Variants in FZD3 observed in about 807,000 individuals in gnomAD.
FZD3 encodes the protein frizzled class receptor 3, also known as frizzled-3.
A neutral mutation model predicts 60.7 loss-of-function variants in FZD3; 30 were observed. That is an observed-to-expected ratio of 0.49 (90% CI 0.37 to 0.67). FZD3 has a LOEUF of 0.67. FZD3 is among the 30% of genes least tolerant of loss of function. The pLI is 0.00. For missense variants in FZD3, 605 were observed against 838.7 expected (o/e 0.72, Z 3.44); for synonymous variants, 246 against 275.2 (o/e 0.89, Z 1.05).
chr8:28,551,782 C>G (rs770230728), intron 6 of FZD3, 31 bp downstream of exon 6: 1 of 1,555,024 alleles, frequency 6.4e-7, no homozygotes, highest in East Asian at 2.3e-5. Flanking sequence ...ACAGTGTTCA[C>G]AAACCTCACA....
chr8:28,541,798 G>A (rs962920867), intron 5 of FZD3, among the ~76,000 whole-genome samples: 1 of 152,096 alleles, frequency 6.6e-6, no homozygotes, highest in South Asian at 2.1e-4. Context: ...TCAGTAAATG[G>A]CATCATTATC....
At chr8:28,524,280 C>T (rs149627909) in intron 4 of FZD3, among the ~76,000 whole-genome samples, 1,607 of 152,166 alleles carry the variant, frequency 0.011, 22 homozygotes, top group Non-Finnish European at 0.011. Flanking sequence ...CATCTGATAG[C>T]AGTTTCATCT....
chr8:28,525,993 A>G (rs1234130110), intron 4 of FZD3, among the ~76,000 whole-genome samples: 1 of 152,190 alleles, frequency 6.6e-6, no homozygotes, highest in Non-Finnish European at 1.5e-5. Flanking sequence ...ATAACCATTT[A>G]TGGAGATGGA....
At chr8:28,559,690 T>C (rs144408562) in intron 7 of FZD3, among the ~76,000 whole-genome samples, 1 of 152,192 alleles carries the variant, frequency 6.6e-6, no homozygotes, top group African/African-American at 2.4e-5. Context: ...ATTCCAAGAC[T>C]GTGGTGAACC....
At chr8:28,512,876 C>G (rs1351833741) in intron 3 of FZD3, among the ~76,000 whole-genome samples, 2 of 152,060 alleles carry the variant, frequency 1.3e-5, no homozygotes, top group Non-Finnish European at 2.9e-5. Flanking sequence ...ACCCATATAA[C>G]AATAATTATT....
intron 6 of FZD3, 85 bp from the exon 7 acceptor site, chr8:28,555,653 A>C: frequency 1.3e-6 from 1 of 781,194 alleles, no homozygotes; most frequent in South Asian, 1.6e-5. Flanking sequence ...AATTTCAAGA[A>C]TAATATCAGT....
chr8:28,527,889 G>T lies in FZD3; in HGVS notation c.1129G>T (p.Ala377Ser), dbSNP rs759992378. Residue 377 changes from alanine to serine, a missense_variant, in exon 5 of 8, where the codon GCT becomes TCT. By Grantham distance (99) the Ala-to-Ser change is moderately conservative. Transcript: ENST00000240093. This position sits in a 1 kb window ranked among gnomAD's most constrained non-coding sequence, Gnocchi z 5.0. ...TGATGCATTGAGATATTTTGTTCTT[G>T]CTCCCCTCTGCCTGTATGTGGTAGT... ...DVDALRYFVLAPLCLYVVVGV... is the reference protein window; with the variant it reads ...DVDALRYFVLSPLCLYVVVGV... The T allele has an allele frequency of 6.5e-5, 105 of 1,613,954 alleles. No homozygotes were observed. In the Admixed American group the frequency reaches 1.7e-3, roughly 26 times the overall value.
intron 7 of FZD3, among the ~76,000 whole-genome samples, chr8:28,559,406 C>A (rs2130472553): frequency 6.6e-6 from 1 of 152,260 alleles, no homozygotes; most frequent in Non-Finnish European, 1.5e-5. Context: ...ATTGTCTTTC[C>A]TCAGCTAAGT....
rs565542998 is a variant in FZD3 at position 28,506,572 on chromosome 8, G to T, written c.189+3370G>T. The stretch of plus-strand genomic sequence containing the variant: ...CTTGCCCCTCCCCACCCCATATATA[G>T]AGGAAAGTAGGCCTCTCTATAGGAT... On this transcript the variant is annotated intron_variant, in intron 3 of 7. Transcript: ENST00000240093. 3.9e-5 allele frequency among the ~76,000 whole-genome samples: 6 copies of T among 152,136 alleles called. No homozygotes were observed. In the South Asian group the frequency reaches 6.2e-4, roughly 16 times the overall value.
intron 6 of FZD3, among the ~76,000 whole-genome samples, chr8:28,555,503 C>G (rs556702383): frequency 3.0e-4 from 46 of 152,108 alleles, no homozygotes; most frequent in Non-Finnish European, 4.9e-4. Flanking sequence ...AACTAAAATC[C>G]TGATTTCCTT....
Position 28,562,801 on chromosome 8 carries a change from C to A in FZD3, c.1791C>A (p.Tyr597Ter). The stretch of plus-strand genomic sequence containing the variant: ...TCAAAATAAACTCTCATGACAGGTA[C>A]ACGCCCTGCAGTTACAGAGGAATGG... ...GSLHRSRDGR[Y>*]TPCSYRGMEE... The change falls in exon 8 of 8, where the codon TAC becomes TAA. Residue 597 changes from tyrosine to a stop codon, truncating the protein, a stop_gained. Transcript: ENST00000240093. LOFTEE classifies it high-confidence loss of function. 1 of 1,591,336 alleles carries A rather than the reference C, an allele frequency of 6.3e-7. No individual in the cohort carries two copies. Among genetic ancestry groups the A allele is most frequent in the South Asian group, 1.1e-5 (1 of 89,550 alleles).
chr8:28,503,737 A>G (rs1017956545), intron 3 of FZD3, among the ~76,000 whole-genome samples: 11 of 152,258 alleles, frequency 7.2e-5, no homozygotes, highest in African/African-American at 2.4e-4. Flanking sequence ...ACAGGGATAT[A>G]TATACCAGAT....
intron 5 of FZD3, among the ~76,000 whole-genome samples, chr8:28,539,888 G>T (rs1355630360): frequency 1.3e-5 from 2 of 151,852 alleles, no homozygotes; most frequent in East Asian, 3.9e-4. Flanking sequence ...TTTTTTTGCA[G>T]GGTATTTCAC....
intron 2 of FZD3, 96 bp from the exon 3 acceptor site, chr8:28,502,574 T>G (rs2130273753): frequency 6.5e-6 from 1 of 153,572 alleles, no homozygotes; most frequent in East Asian, 1.9e-4. Context: ...ATTAGGTCAG[T>G]ATAATATCTC....
At position 28,496,001 on chromosome 8, in the gene FZD3, GAGA is replaced by G. The variant is rs1309715047; in HGVS notation, c.-391+1661_-391+1663del. Among the ~76,000 whole-genome samples, 9 of 152,210 alleles carry G rather than the reference GAGA, an allele frequency of 5.9e-5. 1 individual carries two copies. In the South Asian group the frequency reaches 1.9e-3, roughly 32 times the overall value. Reference sequence around the variant, plus strand: ...TCCTAAATCGTCCCATTTATAAAAGGAGAAGGACAATGAGCTGTTTCCTCATCC... The same window carrying G: ...TCCTAAATCGTCCCATTTATAAAAGGAGGACAATGAGCTGTTTCCTCATCC... On this transcript the variant is annotated intron_variant, in intron 1 of 7. Transcript: ENST00000240093.
chr8:28,513,515 A>G lies in FZD3; in HGVS notation c.190-7123A>G, dbSNP rs573524605. ...AACAGGAAAATAAACCTATGGGATT[A>G]AAGGCGTTTTTACAAACCTAAAGTT... On this transcript the variant is annotated intron_variant, in intron 3 of 7. Coordinates refer to ENST00000240093, the MANE Select transcript of FZD3 (RefSeq NM_017412.4). Among the ~76,000 whole-genome samples the G allele has an allele frequency of 2.6e-5, 4 of 152,342 alleles. No individual in the cohort carries two copies. In the South Asian group the frequency reaches 8.3e-4, roughly 32 times the overall value.
At chr8:28,559,944 A>G (rs923787374) in intron 7 of FZD3, among the ~76,000 whole-genome samples, 8 of 152,212 alleles carry the variant, frequency 5.3e-5, no homozygotes, top group African/African-American at 1.9e-4. Flanking sequence ...AGGTGAATAC[A>G]CCTACACATA....
chr8:28,542,979 G>C (rs1275524276), intron 5 of FZD3, among the ~76,000 whole-genome samples: 3 of 152,160 alleles, frequency 2.0e-5, no homozygotes, highest in African/African-American at 7.2e-5. Context: ...GAGTAGGATA[G>C]GATGTATCTC....
chr8:28,572,983 T>C lies in FZD3; in HGVS notation c.*9972T>C, dbSNP rs1054642294. The stretch of plus-strand genomic sequence containing the variant: ...AAAGATTAGCCAACAAAAGCTAATC[T>C]AGTACACCCCATAGAGGTACTCCAG... On this transcript the variant is annotated 3_prime_UTR_variant, in exon 8 of 8. Transcript: ENST00000240093. 5 of 152,164 alleles carry C rather than the reference T, an allele frequency of 3.3e-5. No individual in the cohort carries two copies. Among genetic ancestry groups the C allele is most frequent in the African/African-American group, 1.2e-4 (5 of 41,452 alleles). The allele number at this position is 152,164 out of a possible 1,614,324, so 9.4% of individuals were successfully genotyped here.
Sources: allele counts gnomAD v4.1 joint callset (sites outside exome capture counted in the v4.1 genomes callset), GRCh38; gene constraint gnomAD v4.1.1; non-coding constraint Gnocchi (gnomAD v3.1); transcripts MANE v1.5; gene names NCBI Gene and HGNC (gene_info 2026-07-23, HGNC 2026-07-21).